The following PRKAG2 variants were observed in gnomAD, a reference collection of about 807,000 sequenced individuals.
PRKAG2 encodes 5'-AMP-activated protein kinase subunit gamma-2.
Under a neutral mutation model 69.6 loss-of-function variants are expected in PRKAG2, and 26 were observed. The observed-to-expected ratio is 0.37, with a 90% CI of 0.27 to 0.52. PRKAG2 has a LOEUF of 0.52. Ranked by LOEUF, PRKAG2 falls within the 20% of genes least tolerant of loss-of-function variation. The pLI is 0.90. For missense variants in PRKAG2, 557 were observed against 740.0 expected, an observed-to-expected ratio of 0.75 and a Z score of 2.87; for synonymous variants, 293 against 285.0, an observed-to-expected ratio of 1.03 and a Z score of -0.28.
rs1811117297 is a variant in PRKAG2 at position 151,584,200 on chromosome 7, A to G, written c.865-7748T>C. Reference sequence around the variant, plus strand: ...TTCGACTTCAGAAGAACAGTTGCCCACCATTGCCATGGAAGGACTGTTTTC... The same window carrying G: ...TTCGACTTCAGAAGAACAGTTGCCCGCCATTGCCATGGAAGGACTGTTTTC... On this transcript the variant is annotated intron_variant, in intron 6 of 15. Coordinates refer to ENST00000287878, the MANE Select transcript of PRKAG2 (RefSeq NM_016203.4). 2.0e-5 allele frequency among the ~76,000 whole-genome samples: 3 copies of G among 152,144 alleles called. No homozygotes were observed. The South Asian group carries it at 6.2e-4, about 31-fold the overall frequency.
rs190851979 is a variant in PRKAG2 at position 151,777,594 on chromosome 7, A to G, written c.466+3558T>C. Among the ~76,000 whole-genome samples, 33 of 152,268 alleles carry G rather than the reference A, an allele frequency of 2.2e-4. No homozygotes were observed. The highest frequency in any genetic ancestry group is 4.0e-4 in the Non-Finnish European group (27 of 68,018). On this transcript the variant is annotated intron_variant, in intron 3 of 15. Transcript: ENST00000287878. This position sits in a 1 kb window ranked among gnomAD's most constrained non-coding sequence, Gnocchi z 4.3. ...TCCTTCGCCTTCCTCCATGAGTGGA[A>G]GCAGCCTGAAGCCCTTGCAAACACC...
chr7:151,675,306 G>T (rs756061396), intron 4 of PRKAG2, 114 bp downstream of exon 4: 2 of 1,001,764 alleles, frequency 2.0e-6, no homozygotes, highest in East Asian at 5.2e-5. Context: ...TGAAGATGTC[G>T]GGAGCACACG....
chr7:151,778,884 TAAAAA>T (rs1349012639), intron 3 of PRKAG2, among the ~76,000 whole-genome samples: 7 of 152,102 alleles, frequency 4.6e-5, no homozygotes, highest in Non-Finnish European at 7.4e-5. Flanking sequence ...CATGTCCTTT[TAAAAA>T]ATAAAAAAGG....
chr7:151,766,350 C>G (rs2151767625), intron 3 of PRKAG2, among the ~76,000 whole-genome samples: 1 of 152,302 alleles, frequency 6.6e-6, no homozygotes, highest in South Asian at 2.1e-4. Context: ...CAGGAAGAGT[C>G]TTGTCAAAAG....
rs1012255587 is a variant in PRKAG2, at chr7:151,614,570, C to G, written c.754+17499G>C. The stretch of plus-strand genomic sequence containing the variant: ...CTGCGTGCTCTCCTTCACCTCCGCC[C>G]CTCACCAGCTTGCTTCCCGCTCTCT... On this transcript the variant is annotated intron_variant, in intron 5 of 15. Coordinates refer to ENST00000287878, the MANE Select transcript of PRKAG2 (RefSeq NM_016203.4). The surrounding 1 kb of genome is among the most constrained non-coding windows in gnomAD (Gnocchi z 4.4). Among the ~76,000 whole-genome samples the G allele has an allele frequency of 6.6e-6, 1 of 152,116 alleles. No individual in the cohort carries two copies. The highest frequency in any genetic ancestry group is 6.5e-5 in the Admixed American group (1 of 15,280).
chr7:151,637,791 C>T (rs1184102741), intron 4 of PRKAG2, among the ~76,000 whole-genome samples: 2 of 150,876 alleles, frequency 1.3e-5, no homozygotes, highest in Non-Finnish European at 2.9e-5. Context: ...TTAATGTGCA[C>T]AGGGTCAAAA....
chr7:151,645,084 C>T (rs1050831534), intron 4 of PRKAG2, among the ~76,000 whole-genome samples: 3 of 152,042 alleles, frequency 2.0e-5, no homozygotes, highest in African/African-American at 7.2e-5. Context: ...ATGCATGATC[C>T]CCACCTCCTG....
At chr7:151,755,879 C>T (rs2075048719) in intron 3 of PRKAG2, among the ~76,000 whole-genome samples, 1 of 152,254 alleles carries the variant, frequency 6.6e-6, no homozygotes, top group East Asian at 1.9e-4. Flanking sequence ...AAGCAACTCA[C>T]TTTAGCAGTT....
chr7:151,612,800 A>G (rs1309004154), intron 5 of PRKAG2, among the ~76,000 whole-genome samples: 2 of 152,254 alleles, frequency 1.3e-5, no homozygotes, highest in East Asian at 1.9e-4. Flanking sequence ...AATAACCTGA[A>G]GCTGTTACCA....
chr7:151,709,627 CAT>C lies in PRKAG2; in HGVS notation c.467-33992_467-33991del, dbSNP rs529723751. 9.2e-4 allele frequency among the ~76,000 whole-genome samples: 140 copies of C among 152,226 alleles called. No individual in the cohort carries two copies. In the East Asian group the frequency reaches 0.012, roughly 13 times the overall value. On this transcript the variant is annotated intron_variant, in intron 3 of 15. Coordinates refer to ENST00000287878, the MANE Select transcript of PRKAG2 (RefSeq NM_016203.4). ...TACTGAATGACGAGTGACACTGACACATGTGACTGTCAGTGACATGATATATG... is the reference window on the plus strand; with the variant it reads ...TACTGAATGACGAGTGACACTGACACGTGACTGTCAGTGACATGATATATG...
intron 3 of PRKAG2, among the ~76,000 whole-genome samples, chr7:151,694,107 C>T (rs943747550): frequency 3.3e-4 from 51 of 152,316 alleles, no homozygotes; most frequent in African/African-American, 1.2e-3. Context: ...CTCCCGACCT[C>T]GAGTGATCTG....
intron 5 of PRKAG2, among the ~76,000 whole-genome samples, chr7:151,607,257 T>G (rs1339854680): frequency 6.6e-6 from 1 of 152,132 alleles, no homozygotes; most frequent in Admixed American, 6.5e-5. Flanking sequence ...AAAACAAATC[T>G]GATTACATAA....
chr7:151,721,042 ACC>A (rs1797004979), intron 3 of PRKAG2, among the ~76,000 whole-genome samples: 1 of 113,956 alleles, frequency 8.8e-6, no homozygotes, highest in African/African-American at 3.3e-5. Context: ...AAAAGGACAG[ACC>A]AGGGTGGAGG....
Position 151,632,551 on chromosome 7 carries a change from C to A in PRKAG2, c.685-413G>T. 2 of 983,894 alleles carry A rather than the reference C, an allele frequency of 2.0e-6. No homozygotes were observed. The highest frequency in any genetic ancestry group is 6.2e-5 in the Admixed American group (1 of 16,244). The allele number at this position is 983,894 out of a possible 1,614,324, so 60.9% of individuals were successfully genotyped here. ...AGAGGCCCGCGGCCCGCCCCCACTC[C>A]GCCCCCCGGCGCCGCTCACCTTCCC... On this transcript the variant is annotated intron_variant, in intron 4 of 15. Coordinates refer to ENST00000287878, the MANE Select transcript of PRKAG2 (RefSeq NM_016203.4). This position sits in a 1 kb window ranked among gnomAD's most constrained non-coding sequence, Gnocchi z 4.2.
At chr7:151,750,845 C>T (rs1404855561) in intron 3 of PRKAG2, among the ~76,000 whole-genome samples, 1 of 150,922 alleles carries the variant, frequency 6.6e-6, no homozygotes, top group Non-Finnish European at 1.5e-5. Context: ...GGCACCACTA[C>T]ACTCCAGCCT....
At chr7:151,834,556 G>C (rs1016474581) in intron 1 of PRKAG2, among the ~76,000 whole-genome samples, 1 of 152,228 alleles carries the variant, frequency 6.6e-6, no homozygotes, top group African/African-American at 2.4e-5. Context: ...GCACCCTCAG[G>C]TGAGAGTCTT....
chr7:151,780,746 T>C lies in PRKAG2; in HGVS notation c.466+406A>G, dbSNP rs1374714838. ...ACCAAACCACAGAGAGTGGAAGCCA[T>C]ATCAGGCTGACCAAAGCAGTATGGT... is the stretch of plus-strand genomic sequence containing the variant. On this transcript the variant is annotated intron_variant, in intron 3 of 15. Coordinates refer to ENST00000287878, the MANE Select transcript of PRKAG2 (RefSeq NM_016203.4). The surrounding 1 kb of genome is among the most constrained non-coding windows in gnomAD (Gnocchi z 4.2). 2.0e-5 allele frequency among the ~76,000 whole-genome samples: 3 copies of C among 152,146 alleles called. No homozygotes were observed. Among genetic ancestry groups the C allele is most frequent in the Non-Finnish European group, 2.9e-5 (2 of 68,034 alleles).
intron 5 of PRKAG2, among the ~76,000 whole-genome samples, chr7:151,605,936 C>CAAAAAAAAAAAAAAAAAAAAAAAAAAAAA (rs560080587): frequency 1.1e-5 from 1 of 91,048 alleles, no homozygotes; most frequent in African/African-American, 3.9e-5. Flanking sequence ...GACTCCGTCT[C>CAAAAAAAAAAAAAAAAAAAAAAAAAAAAA]AAAAAAAAAA....
intron 1 of PRKAG2, among the ~76,000 whole-genome samples, chr7:151,838,525 T>C (rs1243076445): frequency 6.6e-6 from 1 of 151,252 alleles, no homozygotes; most frequent in African/African-American, 2.4e-5. Flanking sequence ...CTGGGCAACA[T>C]GGTAAAACCC....
Sources: allele counts gnomAD v4.1 joint callset (sites outside exome capture counted in the v4.1 genomes callset), GRCh38; gene constraint gnomAD v4.1.1; non-coding constraint Gnocchi (gnomAD v3.1); transcripts MANE v1.5; gene names NCBI Gene and HGNC (gene_info 2026-07-23, HGNC 2026-07-21).